TEAD1: variants seen among roughly 807,000 people sequenced by gnomAD.
TEAD1 encodes transcriptional enhancer factor TEF-1.
TEAD1 carries 9 observed loss-of-function variants against 54.9 expected under a neutral mutation model. The ratio of observed to expected loss-of-function variants is 0.16; its 90% confidence interval spans 0.10 to 0.29. TEAD1 has a LOEUF of 0.29. Among genes scored for constraint, TEAD1 ranks in the 10% least tolerant of loss-of-function variants. The pLI is 1.00. For missense variants in TEAD1, 387 were observed against 535.9 expected (o/e 0.72, Z 2.74); for synonymous variants, 200 against 187.8 (o/e 1.07, Z -0.53).
chr11:12,694,413 T>TC (rs1367940233), intron 2 of TEAD1, among the ~76,000 whole-genome samples: 1 of 152,110 alleles, frequency 6.6e-6, no homozygotes, highest in African/African-American at 2.4e-5. Flanking sequence ...TCTTTTTTTT[T>TC]TTTTCCTTTT....
intron 3 of TEAD1, among the ~76,000 whole-genome samples, chr11:12,817,971 T>G (rs1298369073): frequency 6.6e-6 from 1 of 152,248 alleles, no homozygotes; most frequent in Non-Finnish European, 1.5e-5. Context: ...GGCGTTTGTT[T>G]ATAATGACAT....
intron 2 of TEAD1, among the ~76,000 whole-genome samples, chr11:12,711,442 A>G (rs1943938044): frequency 6.6e-6 from 1 of 152,194 alleles, no homozygotes; most frequent in Non-Finnish European, 1.5e-5. Flanking sequence ...GTCTTTTAGC[A>G]GTTCAGCATC....
At chr11:12,918,477 T>C (rs1345121193) in intron 10 of TEAD1, among the ~76,000 whole-genome samples, 2 of 152,164 alleles carry the variant, frequency 1.3e-5, no homozygotes. Flanking sequence ...GCAGTTGTAA[T>C]GGCAAATTGG....
At chr11:12,932,131 T>A (rs1401628731) in intron 12 of TEAD1, among the ~76,000 whole-genome samples, 1 of 152,230 alleles carries the variant, frequency 6.6e-6, no homozygotes, top group Admixed American at 6.5e-5. Flanking sequence ...CTTCTAAAAT[T>A]TAGAAGCCAG....
intron 12 of TEAD1, among the ~76,000 whole-genome samples, chr11:12,932,768 G>GTGATGCCT (rs1452988246): frequency 6.6e-6 from 1 of 152,174 alleles, no homozygotes; most frequent in Non-Finnish European, 1.5e-5. Context: ...GTAGTATACA[G>GTGATGCCT]TGATGCCCTA....
intron 3 of TEAD1, among the ~76,000 whole-genome samples, chr11:12,834,357 A>G (rs1027363629): frequency 6.6e-6 from 1 of 152,240 alleles, no homozygotes. Flanking sequence ...AACATCTGAC[A>G]TGACCTCCTT....
At chr11:12,814,424 C>T (rs1422495795) in intron 3 of TEAD1, among the ~76,000 whole-genome samples, 1 of 152,110 alleles carries the variant, frequency 6.6e-6, no homozygotes, top group Non-Finnish European at 1.5e-5. Context: ...GAATCTTTGA[C>T]CCCCTCAGGC....
intron 10 of TEAD1, among the ~76,000 whole-genome samples, chr11:12,912,385 C>T (rs1009448540): frequency 1.3e-5 from 2 of 152,076 alleles, no homozygotes; most frequent in Admixed American, 6.6e-5. Flanking sequence ...GAGAACATTT[C>T]GGAAGGGCTC....
chr11:12,794,772 T>C (rs1479730930), intron 3 of TEAD1, among the ~76,000 whole-genome samples: 1 of 152,232 alleles, frequency 6.6e-6, no homozygotes, highest in African/African-American at 2.4e-5. Flanking sequence ...GCCCAGCTGC[T>C]GTGGCTGCAG....
At chr11:12,701,356 G>A (rs751176911) in intron 2 of TEAD1, among the ~76,000 whole-genome samples, 19 of 152,116 alleles carry the variant, frequency 1.2e-4, no homozygotes, top group Non-Finnish European at 2.2e-4. Flanking sequence ...TATGTTGGGG[G>A]TGATTAGGGC....
chr11:12,784,387 T>G (rs959592982), intron 3 of TEAD1, among the ~76,000 whole-genome samples: 22 of 152,098 alleles, frequency 1.4e-4, no homozygotes, highest in Non-Finnish European at 2.9e-5. Context: ...ATTCTGGATT[T>G]GAGAACAGTT....
At chr11:12,898,518 C>T (rs1030777459) in intron 9 of TEAD1, among the ~76,000 whole-genome samples, 1 of 151,880 alleles carries the variant, frequency 6.6e-6, no homozygotes, top group South Asian at 2.1e-4. Flanking sequence ...CCTCAGCCTC[C>T]CGAGTAGCTG....
At chr11:12,818,097 A>G (rs961611733) in intron 3 of TEAD1, among the ~76,000 whole-genome samples, 27 of 152,350 alleles carry the variant, frequency 1.8e-4, no homozygotes, top group Admixed American at 1.7e-3. Context: ...TACTTTTCAT[A>G]TATGTGGGTG....
At chr11:12,753,074 G>A (rs1016248353) in intron 2 of TEAD1, among the ~76,000 whole-genome samples, 7 of 149,842 alleles carry the variant, frequency 4.7e-5, no homozygotes, top group South Asian at 2.1e-4. Context: ...CAACTCCTGC[G>A]CTGAAGCAAT....
intron 2 of TEAD1, among the ~76,000 whole-genome samples, chr11:12,748,106 C>T (rs1292034727): frequency 2.0e-5 from 3 of 152,064 alleles, no homozygotes; most frequent in Admixed American, 6.6e-5. Flanking sequence ...GGACTACAGG[C>T]ACCCGTCACC....
At chr11:12,930,673 G>A (rs1470299228) in intron 12 of TEAD1, among the ~76,000 whole-genome samples, 1 of 152,172 alleles carries the variant, frequency 6.6e-6, no homozygotes, top group East Asian at 1.9e-4. Context: ...ATTAAATCAG[G>A]ATCTGTGAGA....
intron 5 of TEAD1, among the ~76,000 whole-genome samples, chr11:12,867,119 T>C (rs958256910): frequency 1.3e-5 from 2 of 152,222 alleles, no homozygotes; most frequent in Admixed American, 6.5e-5. Context: ...TATAATTGAC[T>C]AGTCACAAAG....
chr11:12,822,380 C>T (rs553514999), intron 3 of TEAD1: 1 of 152,302 alleles, frequency 6.6e-6, no homozygotes, highest in African/African-American at 2.4e-5. Flanking sequence ...TTTGAAGGAA[C>T]CATTGCATAC....
chr11:12,766,544 G>A (rs1223228906), intron 3 of TEAD1, among the ~76,000 whole-genome samples: 2 of 152,098 alleles, frequency 1.3e-5, no homozygotes, highest in Admixed American at 1.3e-4. Flanking sequence ...GGGTCCTTTG[G>A]ACTCTTCCAT....
Sources: gnomAD v4.1 joint callset for allele counts (sites outside exome capture counted in the v4.1 genomes callset) on GRCh38, gnomAD v4.1.1 for gene constraint, MANE v1.5 for transcripts, NCBI Gene and HGNC (gene_info 2026-07-23, HGNC 2026-07-21) for gene names.